FAAH2: variants seen among roughly 807,000 people sequenced by gnomAD.
FAAH2 encodes fatty acid amide hydrolase 2.
FAAH2 carries 60 observed loss-of-function variants against 36.9 expected under a neutral mutation model. The ratio of observed to expected loss-of-function variants is 1.63; its 90% CI spans 1.32 to 2.02. The LOEUF (loss-of-function observed/expected upper bound fraction) is 2.02. FAAH2 is among the 30% of genes most tolerant of loss of function. The pLI is 0.00. For synonymous variants in FAAH2, 214 were observed against 143.8 expected (o/e 1.49, Z -3.49); for missense variants, 689 against 397.5 (o/e 1.73, Z -6.23).
rs1238726688 is a variant in FAAH2 at position 57,365,457 on chromosome X, G to A, written c.743-13194G>A. Among the ~76,000 whole-genome samples, 5 of 111,604 alleles carry A rather than the reference G, an allele frequency of 4.5e-5. No homozygotes were observed. The Admixed American group carries it at 4.8e-4, about 11-fold the overall frequency. ...GCCTGATGGGGTTCCATTTGTAGGT[G>A]ACATGCTCCTTCTCTCTAGCTGCCA... is the stretch of plus-strand genomic sequence containing the variant. On this transcript the variant is annotated intron_variant, in intron 5 of 10. Transcript: ENST00000374900.
intron 2 of FAAH2, among the ~76,000 whole-genome samples, chrX:57,310,051 G>A (rs982194213): frequency 4.5e-5 from 5 of 112,260 alleles, no homozygotes; most frequent in Admixed American, 3.8e-4. Context: ...CACCAACAGC[G>A]TAAAAGCATT....
chrX:57,157,189 C>G, the FAAH2 span, among the ~76,000 whole-genome samples: 1 of 111,561 alleles, frequency 9.0e-6, no homozygotes, highest in Non-Finnish European at 1.9e-5. Flanking sequence ...CTGAGCTGCA[C>G]TATGTGGAAT....
chrX:57,264,521 G>C, the FAAH2 span, among the ~76,000 whole-genome samples: 1 of 112,424 alleles, frequency 8.9e-6, no homozygotes, highest in East Asian at 2.8e-4. Flanking sequence ...TAATTATAAA[G>C]TCAAAAAATA....
the FAAH2 span, among the ~76,000 whole-genome samples, chrX:57,232,414 C>A: frequency 8.9e-6 from 1 of 111,883 alleles, no homozygotes; most frequent in Non-Finnish European, 1.9e-5. Flanking sequence ...AAAGTAGTGA[C>A]CTACACAAAG....
the FAAH2 span, among the ~76,000 whole-genome samples, chrX:57,213,917 T>C: frequency 9.0e-6 from 1 of 111,717 alleles, no homozygotes; most frequent in African/African-American, 3.3e-5. Flanking sequence ...GTCAATGAGG[T>C]GTTGAAGTCC....
At chrX:57,452,424 A>T in intron 10 of FAAH2, 1 of 603,419 alleles carries the variant, frequency 1.7e-6, no homozygotes, top group Non-Finnish European at 2.0e-6. Context: ...ACTTTGTGAT[A>T]TTTAAACAGA....
chrX:57,420,090 G>A (rs187869506), intron 7 of FAAH2, among the ~76,000 whole-genome samples: 96 of 111,490 alleles, frequency 8.6e-4, no homozygotes, highest in Middle Eastern at 9.2e-3. Context: ...CTCTGTTTTG[G>A]TACCAGTACC....
intron 3 of FAAH2, among the ~76,000 whole-genome samples, chrX:57,329,814 G>T (rs770345062): frequency 9.0e-6 from 1 of 111,475 alleles, no homozygotes; most frequent in African/African-American, 3.3e-5. Flanking sequence ...TGAAGATTTC[G>T]TGGACATTTA....
intron 10 of FAAH2, among the ~76,000 whole-genome samples, chrX:57,468,194 C>T (rs1280763637): frequency 6.3e-5 from 7 of 111,768 alleles, no homozygotes; most frequent in Non-Finnish European, 1.1e-4. Flanking sequence ...GAGCACCTCT[C>T]CCCCTCCAAA....
chrX:57,258,859 C>A, the FAAH2 span, among the ~76,000 whole-genome samples: 1 of 107,933 alleles, frequency 9.3e-6, no homozygotes, highest in African/African-American at 3.4e-5. Context: ...CAGGCACCTG[C>A]CACCACGCCT....
At chrX:57,234,989 G>A in the FAAH2 span, among the ~76,000 whole-genome samples, 1 of 111,552 alleles carries the variant, frequency 9.0e-6, no homozygotes, top group African/African-American at 3.3e-5. Context: ...AGTGAGCCCA[G>A]ATCGTGACAC....
intron 8 of FAAH2, among the ~76,000 whole-genome samples, chrX:57,436,867 C>T (rs1055609456): frequency 9.0e-6 from 1 of 111,070 alleles, no homozygotes; most frequent in African/African-American, 3.3e-5. Context: ...GAGAATTCTT[C>T]ATAACTCATT....
At chrX:57,140,418 A>C in the FAAH2 span, among the ~76,000 whole-genome samples, 4 of 37,582 alleles carry the variant, frequency 1.1e-4, no homozygotes, top group East Asian at 3.2e-3. Context: ...CATCTCTACC[A>C]AAAAAAAAAA....
In FAAH2 at chrX:57,378,532, C is replaced by T. The variant is rs181535177; in HGVS notation, c.743-119C>T. 2.3e-5 allele frequency: 20 copies of T among 881,964 alleles called. No individual in the cohort carries two copies. In the African/African-American group the frequency reaches 3.8e-4, roughly 17 times the overall value. The allele number at this position is 881,964 out of a possible 1,213,427, so 72.7% of individuals were successfully genotyped here. A position where few individuals can be genotyped will look rare whatever the true frequency, so the allele number is the denominator to read the frequency against. Reference sequence around the variant, plus strand: ...ACTACTGCAATGAGATATAAGAAGACCTGAAAAGTTTTAACCAGGAGAAAA... The same window carrying T: ...ACTACTGCAATGAGATATAAGAAGATCTGAAAAGTTTTAACCAGGAGAAAA... On this transcript the variant is annotated intron_variant, in intron 5 of 10. Coordinates refer to ENST00000374900, the MANE Select transcript of FAAH2 (RefSeq NM_174912.4).
chrX:57,316,085 T>C (rs975433786), intron 3 of FAAH2, among the ~76,000 whole-genome samples: 2 of 111,123 alleles, frequency 1.8e-5, no homozygotes, highest in African/African-American at 6.5e-5. Flanking sequence ...AGTAAATCGG[T>C]AGTATAATGA....
At chrX:57,255,228 A>G in the FAAH2 span, among the ~76,000 whole-genome samples, 49 of 111,871 alleles carry the variant, frequency 4.4e-4, no homozygotes, top group African/African-American at 1.5e-3. Flanking sequence ...TAAACCAGGA[A>G]AAAGTTGAAT....
chrX:57,393,512 C>T (rs756275045), intron 7 of FAAH2: 2 of 971,851 alleles, frequency 2.1e-6, no homozygotes, highest in East Asian at 3.1e-5. Flanking sequence ...AGAGGAATTG[C>T]CGTGTGCGAT....
the FAAH2 span, among the ~76,000 whole-genome samples, chrX:57,263,588 T>C: frequency 8.9e-6 from 1 of 111,920 alleles, no homozygotes; most frequent in East Asian, 2.8e-4. Flanking sequence ...CAACAGGTGA[T>C]AAAAAGTAAA....
chrX:57,155,022 A>G, the FAAH2 span, among the ~76,000 whole-genome samples: 4 of 111,544 alleles, frequency 3.6e-5, no homozygotes, highest in East Asian at 2.8e-4. Context: ...CCTGTGATGT[A>G]TACTATCTTT....
Sources: gnomAD v4.1 joint callset for allele counts (sites outside exome capture counted in the v4.1 genomes callset) on GRCh38, gnomAD v4.1.1 for gene constraint, MANE v1.5 for transcripts, NCBI Gene and HGNC (gene_info 2026-07-23, HGNC 2026-07-21) for gene names.